FOXK1: variants seen among roughly 807,000 people sequenced by gnomAD.
The protein encoded by FOXK1 is forkhead box protein K1.
FOXK1 carries 19 observed loss-of-function variants against 51.9 expected under a neutral mutation model. The observed-to-expected ratio is 0.37, with a 90% CI of 0.26 to 0.54. The LOEUF is 0.54. Ranked by LOEUF, FOXK1 falls within the 20% of genes least tolerant of loss-of-function variation. FOXK1 has a pLI of 0.87. For missense variants in FOXK1, 870 were observed against 1,032.7 expected (o/e 0.84, Z 2.16); for synonymous variants, 537 against 482.6 (o/e 1.11, Z -1.48).
chr7:4,720,839 C>T (rs981962951), intron 1 of FOXK1, among the ~76,000 whole-genome samples: 2 of 151,798 alleles, frequency 1.3e-5, no homozygotes, highest in African/African-American at 4.8e-5. Context: ...CTGCCTCAGC[C>T]TCCTGAGCAC....
chr7:4,737,479 GGTGT>G (rs1304284446), intron 1 of FOXK1, among the ~76,000 whole-genome samples: 3 of 150,700 alleles, frequency 2.0e-5, no homozygotes, highest in Admixed American at 2.0e-4. Flanking sequence ...TGTGTGCGTG[GGTGT>G]GGGCGTGTGC....
chr7:4,733,740 G>A lies in FOXK1; in HGVS notation c.561-7098G>A, dbSNP rs1052141621. On this transcript the variant is annotated intron_variant, in intron 1 of 8. Transcript: ENST00000328914. This position sits in a 1 kb window ranked among gnomAD's most constrained non-coding sequence, Gnocchi z 5.0. ...TATCGCTCGTGAAAACCGGCCTGGC[G>A]TCTTCTGGCCCTTGCTCTTGGGTCT... 2.0e-5 allele frequency among the ~76,000 whole-genome samples: 3 copies of A among 152,238 alleles called. No individual in the cohort carries two copies. The highest frequency in any genetic ancestry group is 2.9e-5 in the Non-Finnish European group (2 of 68,052).
rs561204381 is a variant in FOXK1, at chr7:4,712,239, C to G, written c.561-28599C>G. ...CAGACTTCACCAAGAGCATCTCCCG[C>G]CTCGGTGCAGTAATGGACTTGGAAA... On this transcript the variant is annotated intron_variant, in intron 1 of 8. Transcript: ENST00000328914. Among the ~76,000 whole-genome samples the G allele has an allele frequency of 4.6e-5, 7 of 152,168 alleles. No homozygotes were observed. The East Asian group carries it at 1.4e-3, about 29-fold the overall frequency.
At chr7:4,720,477 C>G (rs1056092561) in intron 1 of FOXK1, among the ~76,000 whole-genome samples, 4 of 152,098 alleles carry the variant, frequency 2.6e-5, no homozygotes, top group African/African-American at 9.7e-5. Context: ...CTTTTTCATT[C>G]TGTGTGAGCC....
intron 7 of FOXK1, chr7:4,760,116 T>C (rs1231848767): frequency 6.5e-6 from 1 of 155,016 alleles, no homozygotes; most frequent in African/African-American, 2.4e-5. Context: ...GTCCTTGCCC[T>C]AAGGTAACGT....
At chr7:4,712,388 G>A (rs530506745) in intron 1 of FOXK1, among the ~76,000 whole-genome samples, 28 of 152,244 alleles carry the variant, frequency 1.8e-4, no homozygotes, top group African/African-American at 6.3e-4. Flanking sequence ...AGGATTGACC[G>A]TTCCTTGGAG....
At chr7:4,704,143 A>T (rs953896532) in intron 1 of FOXK1, among the ~76,000 whole-genome samples, 2 of 152,104 alleles carry the variant, frequency 1.3e-5, no homozygotes, top group African/African-American at 2.4e-5. Flanking sequence ...AAGATTTTTT[A>T]AAATGCATTG....
rs1781027831 is a variant in FOXK1 at position 4,767,377 on chromosome 7, G to GC, written c.*4913_*4914insC. 1 of 152,278 alleles carries GC rather than the reference G, an allele frequency of 6.6e-6. No individual in the cohort carries two copies. The highest frequency in any genetic ancestry group is 1.5e-5 in the Non-Finnish European group (1 of 68,066). 9.4% of individuals were successfully genotyped at this position (152,278 alleles called of 1,614,324 possible). On this transcript the variant is annotated 3_prime_UTR_variant, in exon 9 of 9. Coordinates refer to ENST00000328914, the MANE Select transcript of FOXK1 (RefSeq NM_001037165.2). This position sits in a 1 kb window ranked among gnomAD's most constrained non-coding sequence, Gnocchi z 6.6. The stretch of plus-strand genomic sequence containing the variant: ...CGGCCCTGCGGGCGGCCTGGCTGCG[G>GC]TAGGTCTGCTGCAAGGAGCCACCAC...
chr7:4,712,067 T>TA (rs1391699326), intron 1 of FOXK1, among the ~76,000 whole-genome samples: 5 of 151,976 alleles, frequency 3.3e-5, no homozygotes, highest in Non-Finnish European at 2.9e-5. Context: ...TTTTTTTTTT[T>TA]ATCAGTCTCT....
In FOXK1 at chr7:4,763,697, C is replaced by T. The variant is rs144645794; in HGVS notation, c.*1233C>T. 6.6e-6 allele frequency: 1 copy of T among 152,312 alleles called. No individual in the cohort carries two copies. The highest frequency in any genetic ancestry group is 1.9e-4 in the East Asian group (1 of 5,196). The allele number at this position is 152,312 out of a possible 1,614,324, so 9.4% of individuals were successfully genotyped here. A position where few individuals can be genotyped will look rare whatever the true frequency, so the allele number is the denominator to read the frequency against. ...GTGGTTCTGGGGTCCCTGAGGAAGCCCCCTCCTGCACTTCCATTAAGACAG... is the reference window on the plus strand; with the variant it reads ...GTGGTTCTGGGGTCCCTGAGGAAGCTCCCTCCTGCACTTCCATTAAGACAG... On this transcript the variant is annotated 3_prime_UTR_variant, in exon 9 of 9. Coordinates refer to ENST00000328914, the MANE Select transcript of FOXK1 (RefSeq NM_001037165.2).
chr7:4,755,156 T>C lies in FOXK1; in HGVS notation c.904-81T>C. ...GCGCACATTCTCGTGGGAAGGTTCC[T>C]CCCCATCAGCTGTGACGGGTGGGTG... is the stretch of plus-strand genomic sequence containing the variant. On this transcript the variant is annotated intron_variant, in intron 3 of 8. Coordinates refer to ENST00000328914, the MANE Select transcript of FOXK1 (RefSeq NM_001037165.2). The surrounding 1 kb of genome is among the most constrained non-coding windows in gnomAD (Gnocchi z 6.6). 1.3e-6 allele frequency: 2 copies of C among 1,543,166 alleles called. No individual in the cohort carries two copies. The highest frequency in any genetic ancestry group is 1.8e-6 in the Non-Finnish European group (2 of 1,133,352).
In FOXK1 at chr7:4,734,427, C is replaced by T. The variant is rs1780523928; in HGVS notation, c.561-6411C>T. On this transcript the variant is annotated intron_variant, in intron 1 of 8. Coordinates refer to ENST00000328914, the MANE Select transcript of FOXK1 (RefSeq NM_001037165.2). The surrounding 1 kb of genome is among the most constrained non-coding windows in gnomAD (Gnocchi z 5.2). ...GCTCCCTCCTTGGGAGGATGAGATG[C>T]TCTGTGGCTTCCACCACTCCCCAGA... is the stretch of plus-strand genomic sequence containing the variant. Among the ~76,000 whole-genome samples the T allele has an allele frequency of 6.6e-6, 1 of 152,180 alleles. No homozygotes were observed. The highest frequency in any genetic ancestry group is 2.4e-5 in the African/African-American group (1 of 41,444).
chr7:4,701,934 G>A (rs1780025749), intron 1 of FOXK1, among the ~76,000 whole-genome samples: 1 of 151,998 alleles, frequency 6.6e-6, no homozygotes, highest in South Asian at 2.1e-4. Flanking sequence ...AATTATCTGG[G>A]CATGGTGGTG....
chr7:4,687,231 C>CT (rs753500872), intron 1 of FOXK1, among the ~76,000 whole-genome samples: 221 of 151,756 alleles, frequency 1.5e-3, no homozygotes, highest in Non-Finnish European at 2.2e-3. Flanking sequence ...CACGCCCGGC[C>CT]TTTTTTTTCC....
chr7:4,717,760 A>G (rs73303381), intron 1 of FOXK1, among the ~76,000 whole-genome samples: 17,136 of 152,088 alleles, frequency 0.11, 1,646 homozygotes, highest in African/African-American at 0.26. Context: ...CCCTGCCTCT[A>G]AATGCTGTTT....
chr7:4,695,954 A>T (rs923264075), intron 1 of FOXK1, among the ~76,000 whole-genome samples: 2 of 150,606 alleles, frequency 1.3e-5, no homozygotes, highest in Non-Finnish European at 3.0e-5. Context: ...AAAAAAAAAA[A>T]TTCCCACAAA....
At position 4,707,664 on chromosome 7, in the gene FOXK1, C is replaced by G. The variant is rs903070833; in HGVS notation, c.560+24796C>G. 2.6e-5 allele frequency among the ~76,000 whole-genome samples: 4 copies of G among 150,972 alleles called. No individual in the cohort carries two copies. The highest frequency in any genetic ancestry group is 6.6e-5 in the Admixed American group (1 of 15,174). Reference sequence around the variant, plus strand: ...CGGTGCCATTCGTATCTGATTCATGCGTGTGCGACCAGTACTCCATTTCAC... The same window carrying G: ...CGGTGCCATTCGTATCTGATTCATGGGTGTGCGACCAGTACTCCATTTCAC... On this transcript the variant is annotated intron_variant, in intron 1 of 8. Coordinates refer to ENST00000328914, the MANE Select transcript of FOXK1 (RefSeq NM_001037165.2). The surrounding 1 kb of genome is among the most constrained non-coding windows in gnomAD (Gnocchi z 4.1).
intron 1 of FOXK1, among the ~76,000 whole-genome samples, chr7:4,686,051 T>G (rs1031021552): frequency 6.6e-6 from 1 of 152,178 alleles, no homozygotes; most frequent in African/African-American, 2.4e-5. Flanking sequence ...GTTAGATGCG[T>G]AAGTTTTTGT....
In FOXK1 at chr7:4,745,427, G is replaced by C. The variant is rs904446270; in HGVS notation, c.746+4404G>C. Among the ~76,000 whole-genome samples, 8 of 151,654 alleles carry C rather than the reference G, an allele frequency of 5.3e-5. No homozygotes were observed. The highest frequency in any genetic ancestry group is 4.6e-4 in the Admixed American group (7 of 15,212). On this transcript the variant is annotated intron_variant, in intron 2 of 8. Transcript: ENST00000328914. The surrounding 1 kb of genome is among the most constrained non-coding windows in gnomAD (Gnocchi z 4.3). The stretch of plus-strand genomic sequence containing the variant: ...TCCTTTCCGTTTCTCGCAGGCCCTC[G>C]CTCCTTTTCCCAGGGTGGGTGGGTA...
Sources: allele counts gnomAD v4.1 joint callset (sites outside exome capture counted in the v4.1 genomes callset), GRCh38; gene constraint gnomAD v4.1.1; non-coding constraint Gnocchi (gnomAD v3.1); transcripts MANE v1.5; gene names NCBI Gene and HGNC (gene_info 2026-07-23, HGNC 2026-07-21).